The following FAM120B variants were observed in gnomAD, a reference collection of about 807,000 sequenced individuals.
The protein encoded by FAM120B is family with sequence similarity 120 member B.
A neutral mutation model predicts 96.3 loss-of-function variants in FAM120B; 83 were observed. That is an observed-to-expected ratio of 0.86 (90% CI 0.72 to 1.03). The LOEUF (loss-of-function observed/expected upper bound fraction) is 1.03. Among genes scored for constraint, FAM120B ranks in the 50% least tolerant of loss-of-function variants. The pLI is 0.00. For missense variants in FAM120B, 1,027 were observed against 1,121.2 expected, an observed-to-expected ratio of 0.92 and a Z score of 1.20; for synonymous variants, 407 against 402.7, an observed-to-expected ratio of 1.01 and a Z score of -0.13.
At chr6:170,301,528 A>T (rs1366023577) in intron 1 of FAM120B, among the ~76,000 whole-genome samples, 1 of 152,144 alleles carries the variant, frequency 6.6e-6, no homozygotes, top group East Asian at 1.9e-4. Context: ...ATTTGTTGCC[A>T]ACTTGAATTT....
At chr6:170,293,605 T>G (rs1364564870), upstream of FAM120B, among the ~76,000 whole-genome samples, 5 of 152,152 alleles carry the variant, frequency 3.3e-5, no homozygotes, top group East Asian at 9.6e-4. Flanking sequence ...GATTCTGTAT[T>G]GGGGAAATCA....
chr6:170,391,195 A>G, intron 8 of FAM120B, 74 bp downstream of exon 8: 1 of 992,994 alleles, frequency 1.0e-6, no homozygotes, highest in South Asian at 1.3e-5. Context: ...TTGTTGATAA[A>G]TGAATTCTAA....
chr6:170,315,650 A>G (rs1339875371), intron 1 of FAM120B, among the ~76,000 whole-genome samples: 1 of 152,178 alleles, frequency 6.6e-6, no homozygotes, highest in Non-Finnish European at 1.5e-5. Context: ...CCTTCTCTAA[A>G]TGTCATCATA....
At chr6:170,366,511 G>A (rs1010153591) in intron 6 of FAM120B, among the ~76,000 whole-genome samples, 1 of 152,210 alleles carries the variant, frequency 6.6e-6, no homozygotes, top group Non-Finnish European at 1.5e-5. Flanking sequence ...GCGTGTGAGC[G>A]CACCTGAGTG....
chr6:170,337,729 G>T (rs565473356), intron 4 of FAM120B, among the ~76,000 whole-genome samples: 4 of 152,258 alleles, frequency 2.6e-5, no homozygotes, highest in African/African-American at 9.6e-5. Context: ...GGTCCGTTCA[G>T]GGATTCAGCT....
chr6:170,346,187 CT>C (rs68080508), intron 4 of FAM120B, among the ~76,000 whole-genome samples: 16,136 of 147,498 alleles, frequency 0.11, 1,070 homozygotes, highest in East Asian at 0.21. Flanking sequence ...TGTAATGAAT[CT>C]TTTTTTTTTT....
At chr6:170,369,954 C>G (rs1789074016) in intron 6 of FAM120B, among the ~76,000 whole-genome samples, 1 of 152,160 alleles carries the variant, frequency 6.6e-6, no homozygotes, top group Non-Finnish European at 1.5e-5. Context: ...TGGATTTTAT[C>G]TTCGTGAATA....
chr6:170,376,934 A>G (rs1022378811), intron 6 of FAM120B, among the ~76,000 whole-genome samples: 8 of 147,346 alleles, frequency 5.4e-5, no homozygotes, highest in African/African-American at 2.0e-4. Flanking sequence ...CCCTAAACCC[A>G]GACGCCTGGG....
At chr6:170,305,703 T>C (rs1009736150), upstream of FAM120B, among the ~76,000 whole-genome samples, 15 of 152,110 alleles carry the variant, frequency 9.9e-5, no homozygotes, top group African/African-American at 3.6e-4. Context: ...TTCAGAAAAA[T>C]AAATCAGATT....
At chr6:170,403,372 G>GT (rs1336577397) in intron 9 of FAM120B, among the ~76,000 whole-genome samples, 2 of 152,208 alleles carry the variant, frequency 1.3e-5, no homozygotes, top group South Asian at 2.1e-4. Flanking sequence ...TCCTCTTTTG[G>GT]TATTTCTTGA....
At chr6:170,353,917 A>G (rs1251256282) in intron 5 of FAM120B, among the ~76,000 whole-genome samples, 1 of 152,206 alleles carries the variant, frequency 6.6e-6, no homozygotes, top group East Asian at 1.9e-4. Flanking sequence ...ATTAGAAAAA[A>G]CTATTTTAAA....
At chr6:170,392,124 A>G (rs75484426) in intron 8 of FAM120B, among the ~76,000 whole-genome samples, 2,442 of 152,312 alleles carry the variant, frequency 0.016, 104 homozygotes, top group East Asian at 0.11. Context: ...TTTTAGGTAA[A>G]TGATCACTGA....
intron 2 of FAM120B, among the ~76,000 whole-genome samples, chr6:170,320,216 A>C (rs1424928112): frequency 6.6e-6 from 1 of 152,178 alleles, no homozygotes; most frequent in Non-Finnish European, 1.5e-5. Flanking sequence ...ATAGATCTGT[A>C]AGGAAGCTCC....
chr6:170,341,551 A>AT lies in FAM120B; in HGVS notation c.2018-6600_2018-6599insT, dbSNP rs539272587. Among the ~76,000 whole-genome samples the AT allele has an allele frequency of 1.2e-3, 185 of 151,340 alleles. 2 individuals carry two copies. The highest frequency in any genetic ancestry group is 1.0e-2 in the Admixed American group (152 of 15,204). ...AGGCACTACTGGGGTACAAAAAAAA[A>AT]CTCCTGCAGCTAGCTCGGTGTCTGC... On this transcript the variant is annotated intron_variant, in intron 4 of 10. Coordinates refer to ENST00000476287, the MANE Select transcript of FAM120B (RefSeq NM_032448.3).
intron 6 of FAM120B, among the ~76,000 whole-genome samples, chr6:170,387,847 C>T (rs1421556466): frequency 6.6e-6 from 1 of 152,184 alleles, no homozygotes; most frequent in African/African-American, 2.4e-5. Flanking sequence ...CTGTCTGTCC[C>T]TTTGCCTTTG....
At chr6:170,335,303 C>T (rs971775644) in intron 4 of FAM120B, among the ~76,000 whole-genome samples, 2 of 151,782 alleles carry the variant, frequency 1.3e-5, no homozygotes, top group East Asian at 3.9e-4. Flanking sequence ...TGAGAACATG[C>T]GGTGTTTGGT....
intron 6 of FAM120B, among the ~76,000 whole-genome samples, chr6:170,383,152 T>C (rs1790011224): frequency 6.7e-6 from 1 of 150,320 alleles, no homozygotes; most frequent in Non-Finnish European, 1.5e-5. Flanking sequence ...TTTGTAAAAT[T>C]AACTCAAATG....
intron 4 of FAM120B, 86 bp downstream of exon 4, chr6:170,330,636 T>C (rs1785958339): frequency 4.0e-6 from 4 of 1,007,598 alleles, no homozygotes; most frequent in Non-Finnish European, 6.1e-6. Flanking sequence ...GGAAAGCATC[T>C]TTTACCAGAA....
chr6:170,307,617 A>G (rs924297492), intron 1 of FAM120B, among the ~76,000 whole-genome samples: 6 of 152,212 alleles, frequency 3.9e-5, no homozygotes, highest in African/African-American at 1.2e-4. Context: ...TTGGGGAACT[A>G]GGAGTTGAGC....
Sources: gnomAD v4.1 joint callset for allele counts (sites outside exome capture counted in the v4.1 genomes callset) on GRCh38, gnomAD v4.1.1 for gene constraint, MANE v1.5 for transcripts, NCBI Gene and HGNC (gene_info 2026-07-23, HGNC 2026-07-21) for gene names.